Variants in UNC5C observed in about 807,000 individuals in gnomAD.
UNC5C encodes the protein netrin receptor UNC5C.
In UNC5C, 47 loss-of-function variants were observed where a neutral mutation model predicts 99.8. The observed-to-expected ratio is 0.47, with a 90% CI of 0.37 to 0.60. The LOEUF is 0.60. Ranked by LOEUF, UNC5C falls within the 20% of genes least tolerant of loss-of-function variation. The probability of loss-of-function intolerance (pLI) is 0.00; values close to 1 mark genes in which losing one functional copy is unlikely to be tolerated. For missense variants in UNC5C, 1,062 were observed against 1,165.9 expected (o/e 0.91, Z 1.30); for synonymous variants, 487 against 452.2 (o/e 1.08, Z -0.98).
intron 7 of UNC5C, among the ~76,000 whole-genome samples, chr4:95,225,743 T>C (rs1278240087): frequency 6.6e-6 from 1 of 152,174 alleles, no homozygotes; most frequent in African/African-American, 2.4e-5. Context: ...CATGGGAAAA[T>C]TTAAAACAGA....
chr4:95,258,366 A>T (rs1740084744), intron 4 of UNC5C, among the ~76,000 whole-genome samples: 2 of 152,190 alleles, frequency 1.3e-5, no homozygotes, highest in African/African-American at 4.8e-5. Flanking sequence ...CCTTCCATTG[A>T]ACAAACTGAT....
At chr4:95,496,717 T>C (rs1277630759) in intron 1 of UNC5C, among the ~76,000 whole-genome samples, 1 of 151,844 alleles carries the variant, frequency 6.6e-6, no homozygotes, top group South Asian at 2.1e-4. Flanking sequence ...GTTTTTGAGG[T>C]ACAGGTGGTT....
chr4:95,301,143 A>G (rs772771674), intron 3 of UNC5C, among the ~76,000 whole-genome samples: 67 of 152,096 alleles, frequency 4.4e-4, no homozygotes, highest in Non-Finnish European at 1.3e-4. Context: ...TTGGCGACCT[A>G]AGAGGAATAT....
chr4:95,172,155 G>A (rs1460767030), intron 14 of UNC5C, among the ~76,000 whole-genome samples: 4 of 149,538 alleles, frequency 2.7e-5, no homozygotes, highest in Non-Finnish European at 5.9e-5. Context: ...TGTCAGATGA[G>A]TAGGTTGCGA....
chr4:95,187,191 A>ATGTT (rs895058250), intron 12 of UNC5C, among the ~76,000 whole-genome samples: 4 of 152,076 alleles, frequency 2.6e-5, no homozygotes, highest in African/African-American at 4.8e-5. Flanking sequence ...AGCTAAAATG[A>ATGTT]TGTTTGTTTA....
At chr4:95,293,234 A>G (rs375052129) in intron 3 of UNC5C, among the ~76,000 whole-genome samples, 1 of 151,874 alleles carries the variant, frequency 6.6e-6, no homozygotes, top group East Asian at 1.9e-4. Context: ...AGACAAAGCA[A>G]TAAGAAGAGA....
chr4:95,197,442 A>T (rs1461020799), intron 12 of UNC5C, among the ~76,000 whole-genome samples: 1 of 152,156 alleles, frequency 6.6e-6, no homozygotes, highest in African/African-American at 2.4e-5. Flanking sequence ...TATGCTGAAG[A>T]TGGAGGTGGT....
chr4:95,474,599 T>C (rs1243650776), intron 1 of UNC5C, among the ~76,000 whole-genome samples: 2 of 152,244 alleles, frequency 1.3e-5, no homozygotes, highest in African/African-American at 2.4e-5. Context: ...ATGGTACATA[T>C]AATTTTAAAA....
At chr4:95,477,176 T>C (rs1560848116) in intron 1 of UNC5C, among the ~76,000 whole-genome samples, 1 of 152,080 alleles carries the variant, frequency 6.6e-6, no homozygotes, top group Non-Finnish European at 1.5e-5. Context: ...CTACTGGCTA[T>C]GACATATATT....
At chr4:95,174,399 T>C (rs558924353) in intron 14 of UNC5C, among the ~76,000 whole-genome samples, 1 of 152,238 alleles carries the variant, frequency 6.6e-6, no homozygotes, top group Non-Finnish European at 1.5e-5. Flanking sequence ...AATTTCCCTC[T>C]ACACACTGCT....
intron 1 of UNC5C, among the ~76,000 whole-genome samples, chr4:95,435,007 T>C (rs1746736525): frequency 6.6e-6 from 1 of 152,120 alleles, no homozygotes; most frequent in Non-Finnish European, 1.5e-5. Flanking sequence ...ACATTTTGCA[T>C]GTCCCACACT....
intron 1 of UNC5C, among the ~76,000 whole-genome samples, chr4:95,530,550 A>G (rs1722615133): frequency 6.6e-6 from 1 of 152,238 alleles, no homozygotes; most frequent in Non-Finnish European, 1.5e-5. Flanking sequence ...CATACAACAG[A>G]ATTTCCTGTA....
At chr4:95,455,034 A>T (rs920726052) in intron 1 of UNC5C, among the ~76,000 whole-genome samples, 2 of 152,116 alleles carry the variant, frequency 1.3e-5, no homozygotes, top group African/African-American at 4.8e-5. Context: ...TGCTCTCTTA[A>T]TGTTACATTA....
intron 12 of UNC5C, among the ~76,000 whole-genome samples, chr4:95,199,330 T>G (rs1000954972): frequency 4.6e-5 from 7 of 152,166 alleles, no homozygotes; most frequent in South Asian, 2.1e-4. Flanking sequence ...GTGACTGAAA[T>G]AATTGTCTCT....
Position 95,216,160 on chromosome 4 carries a change from T to C in UNC5C, c.1697A>G (p.Glu566Gly), listed in dbSNP as rs747737623. 1.9e-6 allele frequency: 3 copies of C among 1,613,858 alleles called. No homozygotes were observed. The Admixed American group carries it at 5.0e-5, about 27-fold the overall frequency. ...AGAIPQGRVY[E>G]MYVTVHRKET... ...TTTCCTGTGTACAGTCACATACATTTCGTAGACTCTCCCTTGGGGAATGGC... is the reference window on the plus strand; with the variant it reads ...TTTCCTGTGTACAGTCACATACATTCCGTAGACTCTCCCTTGGGGAATGGC... Residue 566 changes from glutamate to glycine, a missense_variant, in exon 10 of 16, where the codon GAA becomes GGA. Coordinates refer to ENST00000453304, the MANE Select transcript of UNC5C (RefSeq NM_003728.4).
In UNC5C at chr4:95,202,749, G is replaced by A. The variant is rs747619998; in HGVS notation, c.2118C>T (p.Asp706=). 1 of 1,614,176 alleles carries A rather than the reference G, an allele frequency of 6.2e-7. No homozygotes were observed. Among genetic ancestry groups the A allele is most frequent in the Non-Finnish European group, 8.5e-7 (1 of 1,180,004 alleles). The change falls in exon 12 of 16, where the codon GAC becomes GAT. Residue 706 remains aspartate, a synonymous_variant. Transcript: ENST00000453304. ...EYSIRVYCLD[D]TQDALKEILH... ...CACTTACCTTCAGGGCATCCTGGGT[G>A]TCATCCAGACAGTAGACTCGGATGC... is the stretch of plus-strand genomic sequence containing the variant.
chr4:95,301,231 T>C (rs1196012686), intron 3 of UNC5C, among the ~76,000 whole-genome samples: 1 of 145,826 alleles, frequency 6.9e-6, no homozygotes, highest in Non-Finnish European at 1.5e-5. Context: ...AGTCTTGCTC[T>C]GTAGCCCAGG....
chr4:95,482,775 C>A (rs1259130980), intron 1 of UNC5C, among the ~76,000 whole-genome samples: 1 of 119,920 alleles, frequency 8.3e-6, no homozygotes. Context: ...AACCAAACAC[C>A]GCGTGTTCTC....
At chr4:95,424,646 C>G (rs1023784364) in intron 1 of UNC5C, among the ~76,000 whole-genome samples, 1 of 150,882 alleles carries the variant, frequency 6.6e-6, no homozygotes, top group Non-Finnish European at 1.5e-5. Context: ...CTCAGCCTCC[C>G]GAGTAGCTGG....
Sources: allele counts gnomAD v4.1 joint callset (sites outside exome capture counted in the v4.1 genomes callset), GRCh38; gene constraint gnomAD v4.1.1; transcripts MANE v1.5; gene names NCBI Gene and HGNC (gene_info 2026-07-23, HGNC 2026-07-21).